Variants in MAP4K1 observed in about 807,000 individuals in gnomAD.
MAP4K1 encodes the protein MAPK/ERK kinase kinase kinase 1.
In MAP4K1, 35 loss-of-function variants were observed where a neutral mutation model predicts 122.8. The ratio of observed to expected loss-of-function variants is 0.29; its 90% CI spans 0.22 to 0.38. The LOEUF is 0.38. MAP4K1 is among the 10% of genes least tolerant of loss of function. MAP4K1 has a pLI of 1.00. For missense variants in MAP4K1, 791 were observed against 1,072.6 expected (o/e 0.74, Z 3.67); for synonymous variants, 412 against 421.3 (o/e 0.98, Z 0.27).
At chr19:38,602,583 C>G (rs1975111960) in intron 19 of MAP4K1, among the ~76,000 whole-genome samples, 1 of 144,240 alleles carries the variant, frequency 6.9e-6, no homozygotes. Flanking sequence ...CATATATATA[C>G]ACATGTACAT....
At chr19:38,588,054 G>C (rs1369493873) in intron 30 of MAP4K1, among the ~76,000 whole-genome samples, 3 of 152,148 alleles carry the variant, frequency 2.0e-5, no homozygotes, top group Admixed American at 2.0e-4. Context: ...CCTAACCCAG[G>C]AGGTCAGCCC....
intron 19 of MAP4K1, among the ~76,000 whole-genome samples, chr19:38,603,398 G>T (rs1459622449): frequency 6.9e-6 from 1 of 145,716 alleles, no homozygotes; most frequent in Non-Finnish European, 1.5e-5. Flanking sequence ...ACATATATAT[G>T]CATATACATA....
intron 18 of MAP4K1, 26 bp from the exon 19 acceptor site, chr19:38,605,517 C>T (rs1020991809): frequency 1.3e-6 from 2 of 1,537,550 alleles, no homozygotes; most frequent in African/African-American, 1.4e-5. Context: ...AGAAAATCAG[C>T]CCCCAAGAAC....
chr19:38,592,831 C>T (rs573561656), intron 30 of MAP4K1, among the ~76,000 whole-genome samples: 3 of 151,982 alleles, frequency 2.0e-5, no homozygotes, highest in African/African-American at 7.2e-5. Flanking sequence ...GCAAGAGAAT[C>T]GCTTGAACCT....
chr19:38,597,059 G>A lies in MAP4K1; in HGVS notation c.1916C>T (p.Pro639Leu). ...CCGGACAAGCAGGAATTTGTTCATG[G>A]GCTGGTACCACTGAAGCAGGACAAC... ...TSVVLLQWYQ[P>L]MNKFLLVRQV... is the part of the protein sequence containing the mutation. The change falls in exon 25 of 31, where the codon CCC (proline) becomes CTC (leucine). Residue 639 changes from proline to leucine, a missense_variant. This residue lies in a region of MAP4K1 where 267 missense variants were observed against 323.0 expected (regional missense o/e 0.83). Coordinates refer to ENST00000396857, the MANE Select transcript of MAP4K1 (RefSeq NM_001042600.3). The surrounding 1 kb of genome is among the most constrained non-coding windows in gnomAD (Gnocchi z 4.6). 6.2e-7 allele frequency: 1 copy of A among 1,614,092 alleles called. No homozygotes were observed. Among genetic ancestry groups the A allele is most frequent in the Non-Finnish European group, 8.5e-7 (1 of 1,179,998 alleles).
At chr19:38,608,740 T>C (rs62120358) in intron 13 of MAP4K1, among the ~76,000 whole-genome samples, 34,452 of 142,854 alleles carry the variant, frequency 0.24, 5,078 homozygotes, top group East Asian at 0.4. Context: ...GCAGAGGTTT[T>C]GGTGAGCCAA....
chr19:38,602,637 C>A (rs1289627758), intron 19 of MAP4K1, among the ~76,000 whole-genome samples: 2 of 139,206 alleles, frequency 1.4e-5, no homozygotes, highest in Middle Eastern at 4.0e-3. Flanking sequence ...TATATATACA[C>A]ACCTATACAT....
Position 38,600,108 on chromosome 19 carries a change from T to G in MAP4K1, c.1577A>C (p.Asn526Thr). The G allele has an allele frequency of 6.2e-7, 1 of 1,614,150 alleles. No individual in the cohort carries two copies. Among genetic ancestry groups the G allele is most frequent in the Non-Finnish European group, 8.5e-7 (1 of 1,180,028 alleles). ...CAGCGTGGCCTCCTGGTCATTCCGGTTCAGGATGAAGATGCCTTCCTCTGC... is the reference window on the plus strand; with the variant it reads ...CAGCGTGGCCTCCTGGTCATTCCGGGTCAGGATGAAGATGCCTTCCTCTGC... ...LGAEEGIFIL[N>T]RNDQEATLEM... The change falls in exon 21 of 31, where the codon AAC (asparagine) becomes ACC (threonine). Residue 526 changes from asparagine (N) to threonine (T), a missense_variant. Physicochemically the swap from Asn to Thr is moderately conservative, Grantham distance 65 (BLOSUM62 0). Coordinates refer to ENST00000396857, the MANE Select transcript of MAP4K1 (RefSeq NM_001042600.3).
chr19:38,595,706 C>T lies in MAP4K1; in HGVS notation c.2203G>A (p.Glu735Lys). ...MDGSVKLVTP[E>K]GSPVRGLRTP... The stretch of plus-strand genomic sequence containing the variant: ...CGAAGTCCCCGGACTGGGGACCCCT[C>T]CGGGGTCACCAGCTTCACAGAGCCT... The change falls in exon 28 of 31, where the codon GAG becomes AAG. Residue 735 changes from glutamate to lysine, a missense_variant. This residue lies in a region of MAP4K1 where 267 missense variants were observed against 323.0 expected (regional missense o/e 0.83). Transcript: ENST00000396857. The T allele has an allele frequency of 1.9e-6, 3 of 1,605,958 alleles. No individual in the cohort carries two copies. The highest frequency in any genetic ancestry group is 1.7e-4 in the Middle Eastern group (1 of 6,006).
At chr19:38,589,574 C>G (rs1974644164) in intron 30 of MAP4K1, among the ~76,000 whole-genome samples, 1 of 151,846 alleles carries the variant, frequency 6.6e-6, no homozygotes, top group South Asian at 2.1e-4. Flanking sequence ...CAACACCATG[C>G]CCGGCTAATT....
intron 30 of MAP4K1, among the ~76,000 whole-genome samples, chr19:38,588,626 A>G (rs553626349): frequency 9.2e-5 from 14 of 151,654 alleles, no homozygotes; most frequent in Non-Finnish European, 1.8e-4. Flanking sequence ...GGTGGCAGGC[A>G]CTATAGTCCC....
In MAP4K1 at chr19:38,596,976, G is replaced by A. The variant is rs563313284; in HGVS notation, c.1941+58C>T. 12 of 1,500,860 alleles carry A rather than the reference G, an allele frequency of 8.0e-6. No individual in the cohort carries two copies. In the African/African-American group the frequency reaches 1.2e-4, roughly 15 times the overall value. 93.0% of individuals were successfully genotyped at this position (1,500,860 alleles called of 1,614,324 possible). The stretch of plus-strand genomic sequence containing the variant: ...GGAGCTCTTGATAGAAGCGCAAAGG[G>A]TGCAAGGCCTTAGCCACCCACTCCT... On this transcript the variant is annotated intron_variant, in intron 25 of 30. Coordinates refer to ENST00000396857, the MANE Select transcript of MAP4K1 (RefSeq NM_001042600.3).
intron 9 of MAP4K1, among the ~76,000 whole-genome samples, chr19:38,612,282 TG>T (rs1975521141): frequency 6.6e-6 from 1 of 151,574 alleles, no homozygotes; most frequent in East Asian, 1.9e-4. Context: ...TAGCCGGGCG[TG>T]GTGGTGCACA....
rs772583489 is a variant in MAP4K1, at chr19:38,612,760, C to G, written c.534-18G>C. On this transcript the variant is annotated intron_variant, in intron 8 of 30. Transcript: ENST00000396857. ...GAGCCATCCTGGGGGCAGACACGCTCAGAGAGCCAGAGGTGGCATGGGGAC... is the reference window on the plus strand; with the variant it reads ...GAGCCATCCTGGGGGCAGACACGCTGAGAGAGCCAGAGGTGGCATGGGGAC... The G allele has an allele frequency of 1.2e-6, 2 of 1,610,888 alleles. No homozygotes were observed. The highest frequency in any genetic ancestry group is 1.7e-6 in the Non-Finnish European group (2 of 1,178,808).
chr19:38,613,078 C>T lies in MAP4K1; in HGVS notation c.534-336G>A, dbSNP rs146162088. ...ATTCCAGCACTTTGGGAGGTCAAGG[C>T]GGACAGATCACCTGAGGTGAGGAGT... On this transcript the variant is annotated intron_variant, in intron 8 of 30. Coordinates refer to ENST00000396857, the MANE Select transcript of MAP4K1 (RefSeq NM_001042600.3). 6.9e-3 allele frequency among the ~76,000 whole-genome samples: 1,052 copies of T among 151,904 alleles called. 7 individuals carry two copies. Among genetic ancestry groups the T allele is most frequent in the African/African-American group, 0.022 (923 of 41,426 alleles).
At chr19:38,602,886 A>G (rs569604849) in intron 19 of MAP4K1, among the ~76,000 whole-genome samples, 7 of 149,380 alleles carry the variant, frequency 4.7e-5, no homozygotes, top group Non-Finnish European at 1.0e-4. Flanking sequence ...ATATACTTAT[A>G]TACACATGTA....
intron 11 of MAP4K1, among the ~76,000 whole-genome samples, chr19:38,610,688 C>T (rs776386223): frequency 6.6e-6 from 1 of 152,010 alleles, no homozygotes; most frequent in Non-Finnish European, 1.5e-5. Flanking sequence ...GCCCAGCCGA[C>T]CGGTGGGAGT....
intron 19 of MAP4K1, among the ~76,000 whole-genome samples, 188 bp downstream of exon 19, chr19:38,605,221 C>A (rs902773710): frequency 1.3e-5 from 2 of 152,044 alleles, no homozygotes; most frequent in African/African-American, 4.8e-5. Flanking sequence ...GGGATAACAT[C>A]TCTGTGATAT....
At chr19:38,608,273 A>C (rs1322859231) in intron 13 of MAP4K1, 103 bp from the exon 14 acceptor site, 1 of 555,548 alleles carries the variant, frequency 1.8e-6, no homozygotes, top group African/African-American at 1.9e-5. Flanking sequence ...GGTTGCAGTC[A>C]GGATCTTGGG....
Sources: gnomAD v4.1 joint callset for allele counts (sites outside exome capture counted in the v4.1 genomes callset) on GRCh38, gnomAD v4.1.1 for gene constraint, gnomAD v4.1.1 regional missense constraint, Gnocchi (gnomAD v3.1) non-coding constraint, MANE v1.5 for transcripts, NCBI Gene and HGNC (gene_info 2026-07-23, HGNC 2026-07-21) for gene names.